The following ATF3 variants were observed in gnomAD, a reference collection of about 807,000 sequenced individuals.
ATF3 encodes the protein activating transcription factor 3, also known as cyclic AMP-dependent transcription factor ATF-3.
A neutral mutation model predicts 18.4 loss-of-function variants in ATF3; 10 were observed. That is an observed-to-expected ratio of 0.54 (90% CI 0.34 to 0.92). ATF3 has a LOEUF of 0.92. Ranked by LOEUF, ATF3 falls within the 40% of genes least tolerant of loss-of-function variation. The pLI is 0.02. For missense variants in ATF3, 183 were observed against 222.3 expected (o/e 0.82, Z 1.12); for synonymous variants, 78 against 87.9 (o/e 0.89, Z 0.63).
chr1:212,570,866 T>C (rs768127574), intron 1 of ATF3, among the ~76,000 whole-genome samples: 1 of 152,248 alleles, frequency 6.6e-6, no homozygotes, highest in Non-Finnish European at 1.5e-5. Context: ...TATTCCTCTA[T>C]TGATAGACAC....
intron 1 of ATF3, among the ~76,000 whole-genome samples, chr1:212,566,830 G>T (rs539617093): frequency 1.3e-5 from 2 of 152,178 alleles, no homozygotes; most frequent in Non-Finnish European, 2.9e-5. Flanking sequence ...TGCCCAAGAG[G>T]ATGCACCTCC....
At position 212,565,817 on chromosome 1, in the gene ATF3, C is replaced by T. The variant is rs575638288; in HGVS notation, c.-5+334C>T. Among the ~76,000 whole-genome samples, 25 of 152,246 alleles carry T rather than the reference C, an allele frequency of 1.6e-4. No homozygotes were observed. In the South Asian group the frequency reaches 4.8e-3, roughly 29 times the overall value. ...GGCAGCGATGCCATCTCGGTCTCATCCAGGATGAAACCGTGGTTTGGGGAT... is the reference window on the plus strand; with the variant it reads ...GGCAGCGATGCCATCTCGGTCTCATTCAGGATGAAACCGTGGTTTGGGGAT... On this transcript the variant is annotated intron_variant, in intron 1 of 3. Coordinates refer to the ATF3 transcript ENST00000366981.
At position 212,572,487 on chromosome 1, in the gene ATF3, A is replaced by G. The variant is rs1160825523; in HGVS notation, c.-5+7004A>G. Reference sequence around the variant, plus strand: ...TGAGCTGAGATTGCACCATTGAGCTACAGCCTGAGCAACAAGAGTGAAATT... The same window carrying G: ...TGAGCTGAGATTGCACCATTGAGCTGCAGCCTGAGCAACAAGAGTGAAATT... On this transcript the variant is annotated intron_variant, in intron 1 of 3. Coordinates refer to the ATF3 transcript ENST00000366981. Among the ~76,000 whole-genome samples the G allele has an allele frequency of 2.0e-5, 3 of 152,232 alleles. No homozygotes were observed. In the East Asian group the frequency reaches 5.8e-4, roughly 29 times the overall value.
At chr1:212,607,190 G>A (rs1280879819), upstream of ATF3, among the ~76,000 whole-genome samples, 3 of 152,206 alleles carry the variant, frequency 2.0e-5, no homozygotes, top group Non-Finnish European at 4.4e-5. Context: ...GGGGGAACTG[G>A]GGACTTCAAG....
chr1:212,576,871 G>C (rs1198316678), intron 1 of ATF3, among the ~76,000 whole-genome samples: 2 of 150,970 alleles, frequency 1.3e-5, no homozygotes, highest in East Asian at 3.9e-4. Flanking sequence ...GGGATTACAG[G>C]CACGTGCCAT....
intron 1 of ATF3, among the ~76,000 whole-genome samples, chr1:212,583,281 G>A (rs1558227770): frequency 6.6e-6 from 1 of 152,040 alleles, no homozygotes; most frequent in Non-Finnish European, 1.5e-5. Context: ...TGGTGCAGTG[G>A]CTGTTCACAG....
chr1:212,583,828 C>CT (rs933599300), intron 1 of ATF3, among the ~76,000 whole-genome samples: 5 of 152,082 alleles, frequency 3.3e-5, no homozygotes, highest in African/African-American at 1.2e-4. Flanking sequence ...CATCAGTTTC[C>CT]TTTTTTTAAA....
rs781101366 is a variant in ATF3, at chr1:212,619,349, G to T, written c.349-9G>T. On this transcript the variant is annotated splice_polypyrimidine_tract_variant and intron_variant, in intron 3 of 3. Transcript: ENST00000341491. This position sits in a 1 kb window ranked among gnomAD's most constrained non-coding sequence, Gnocchi z 4.4. ...TCCTTTCTTGATGCCTCTGTTGCTT[G>T]TCCCCCAGGAGTCGGAGAAGCTGGA... The T allele has an allele frequency of 8.1e-6, 13 of 1,613,034 alleles. No individual in the cohort carries two copies. The highest frequency in any genetic ancestry group is 1.1e-5 in the Non-Finnish European group (13 of 1,180,026).
At chr1:212,599,223 G>A (rs543920301) in intron 1 of ATF3, among the ~76,000 whole-genome samples, 2 of 152,314 alleles carry the variant, frequency 1.3e-5, no homozygotes, top group Admixed American at 1.3e-4. Context: ...TCCCTAAGTT[G>A]TAATCTCTTT....
chr1:212,586,072 A>C (rs936944780), intron 1 of ATF3, among the ~76,000 whole-genome samples: 8 of 151,998 alleles, frequency 5.3e-5, no homozygotes, highest in Non-Finnish European at 1.2e-4. Context: ...TGGGCAGGGG[A>C]GGTCCTGGCT....
At chr1:212,582,851 C>T (rs748708653) in intron 1 of ATF3, among the ~76,000 whole-genome samples, 1 of 152,218 alleles carries the variant, frequency 6.6e-6, no homozygotes, top group East Asian at 1.9e-4. Context: ...CATTAGCTCC[C>T]GCTGAAGTAT....
At chr1:212,590,629 A>G (rs556810306) in intron 1 of ATF3, among the ~76,000 whole-genome samples, 1 of 152,298 alleles carries the variant, frequency 6.6e-6, no homozygotes, top group Middle Eastern at 3.4e-3. Flanking sequence ...TTAAAACGTA[A>G]CAGGTGGAAA....
In ATF3 at chr1:212,611,311, A is replaced by G. The variant is rs11571524; in HGVS notation, c.-5+2381A>G. On this transcript the variant is annotated intron_variant, in intron 1 of 3. Transcript: ENST00000341491. ...GAAGGTTCCAGTTAATTCCTCACTA[A>G]CAGGGCTTTATTGAATTGATAACAA... Among the ~76,000 whole-genome samples the G allele has an allele frequency of 8.4e-3, 1,273 of 152,360 alleles. 12 individuals are homozygous for G. Among genetic ancestry groups the G allele is most frequent in the African/African-American group, 0.029 (1,204 of 41,580 alleles).
In ATF3 at chr1:212,619,547, C is replaced by A; in HGVS notation, c.538C>A (p.Gln180Lys). 1 of 1,614,056 alleles carries A rather than the reference C, an allele frequency of 6.2e-7. No individual in the cohort carries two copies. The highest frequency in any genetic ancestry group is 2.2e-5 in the East Asian group (1 of 44,886). ...FIQQIKEGTL[Q>K]S ...CCAACAGATAAAAGAAGGAACATTG[C>A]AGAGCTAAGCAGTCGTGGTATGGGG... The change falls in exon 4 of 4, where the codon CAG (glutamine) becomes AAG (lysine). Residue 180 changes from glutamine (Q) to lysine (K), a missense_variant. Gln to Lys is a moderately conservative substitution (Grantham distance 53). Coordinates refer to ENST00000341491, the MANE Select transcript of ATF3 (RefSeq NM_001674.4). This position sits in a 1 kb window ranked among gnomAD's most constrained non-coding sequence, Gnocchi z 4.4.
intron 1 of ATF3, among the ~76,000 whole-genome samples, chr1:212,591,440 A>C (rs1404659507): frequency 6.6e-6 from 1 of 152,156 alleles, no homozygotes; most frequent in African/African-American, 2.4e-5. Flanking sequence ...GGTCATTGAG[A>C]TGTTCTGGCA....
At chr1:212,572,711 A>G (rs1409062823) in intron 1 of ATF3, among the ~76,000 whole-genome samples, 1 of 152,200 alleles carries the variant, frequency 6.6e-6, no homozygotes, top group East Asian at 1.9e-4. Flanking sequence ...TCAAACCTGC[A>G]TTTCCCAATA....
chr1:212,613,262 T>C (rs1314176428), intron 1 of ATF3, among the ~76,000 whole-genome samples: 2 of 152,190 alleles, frequency 1.3e-5, no homozygotes, highest in African/African-American at 2.4e-5. Flanking sequence ...CCTCTATCAC[T>C]TCATTTCCAG....
intron 1 of ATF3, among the ~76,000 whole-genome samples, chr1:212,599,706 A>G (rs1654428111): frequency 6.6e-6 from 1 of 152,192 alleles, no homozygotes; most frequent in Non-Finnish European, 1.5e-5. Context: ...TCTACTGCCT[A>G]CAATACCCAA....
At chr1:212,603,076 T>C (rs1205063286) in intron 1 of ATF3, among the ~76,000 whole-genome samples, 1 of 152,232 alleles carries the variant, frequency 6.6e-6, no homozygotes, top group Non-Finnish European at 1.5e-5. Flanking sequence ...CTTTTGGCTA[T>C]GGTGTCTTTT....
Sources: allele counts gnomAD v4.1 joint callset (sites outside exome capture counted in the v4.1 genomes callset), GRCh38; gene constraint gnomAD v4.1.1; non-coding constraint Gnocchi (gnomAD v3.1); transcripts MANE v1.5; gene names NCBI Gene and HGNC (gene_info 2026-07-23, HGNC 2026-07-21).